CNTNAP2: variants seen among roughly 807,000 people sequenced by gnomAD.
The protein encoded by CNTNAP2 is contactin-associated protein-like 2.
CNTNAP2 carries 98 observed loss-of-function variants against 155.2 expected under a neutral mutation model. The ratio of observed to expected loss-of-function variants is 0.63; its 90% confidence interval spans 0.54 to 0.75. The LOEUF (loss-of-function observed/expected upper bound fraction) is 0.75. CNTNAP2 is among the 30% of genes least tolerant of loss of function. The pLI is 0.00. For missense variants in CNTNAP2, 1,727 were observed against 1,688.1 expected (o/e 1.02, Z -0.40); for synonymous variants, 651 against 631.2 (o/e 1.03, Z -0.47).
chr7:146,554,040 C>T (rs1798160067), intron 1 of CNTNAP2, among the ~76,000 whole-genome samples: 1 of 152,154 alleles, frequency 6.6e-6, no homozygotes, highest in Admixed American at 6.5e-5. Context: ...TTTGGGCATT[C>T]CATTTGTTGG....
At chr7:146,502,438 T>TACTC (rs1797319377) in intron 1 of CNTNAP2, among the ~76,000 whole-genome samples, 1 of 151,594 alleles carries the variant, frequency 6.6e-6, no homozygotes, top group Non-Finnish European at 1.5e-5. Context: ...TGTTGTTCCA[T>TACTC]TATTAGTTTT....
intron 2 of CNTNAP2, among the ~76,000 whole-genome samples, chr7:146,828,015 T>C (rs1803439832): frequency 6.6e-6 from 1 of 152,140 alleles, no homozygotes; most frequent in Non-Finnish European, 1.5e-5. Flanking sequence ...GTAAAATCTT[T>C]AAAGATTTTT....
intron 13 of CNTNAP2, among the ~76,000 whole-genome samples, chr7:147,867,087 C>T (rs1301613945): frequency 3.3e-5 from 5 of 152,056 alleles, no homozygotes; most frequent in East Asian, 1.9e-4. Context: ...TGGATGATAC[C>T]GGTTGTTTCT....
intron 1 of CNTNAP2, among the ~76,000 whole-genome samples, chr7:146,342,345 C>T (rs936424307): frequency 1.6e-4 from 24 of 152,132 alleles, no homozygotes; most frequent in Admixed American, 3.3e-4. Context: ...AGTCAGATGT[C>T]AGATGCCAAC....
intron 1 of CNTNAP2, among the ~76,000 whole-genome samples, chr7:146,763,011 A>C (rs1170235061): frequency 1.3e-5 from 2 of 152,110 alleles, no homozygotes; most frequent in South Asian, 4.2e-4. Context: ...TACAAAGCCC[A>C]CAACATGTGG....
At chr7:148,391,648 A>G (rs1436832535) in intron 22 of CNTNAP2, among the ~76,000 whole-genome samples, 1 of 152,204 alleles carries the variant, frequency 6.6e-6, no homozygotes, top group Non-Finnish European at 1.5e-5. Flanking sequence ...ATGCCAGGCA[A>G]TTGCCGTGAT....
intron 1 of CNTNAP2, among the ~76,000 whole-genome samples, chr7:146,387,199 G>A (rs1795473489): frequency 6.6e-6 from 1 of 152,194 alleles, no homozygotes; most frequent in South Asian, 2.1e-4. Flanking sequence ...CTTTCCAAGT[G>A]AGGTCTGGGG....
At chr7:146,411,834 A>T (rs1165545287) in intron 1 of CNTNAP2, among the ~76,000 whole-genome samples, 3 of 121,010 alleles carry the variant, frequency 2.5e-5, no homozygotes, top group African/African-American at 1.2e-4. Context: ...TTACTTATTT[A>T]TTTATTTATT....
At chr7:147,197,821 TAAG>T (rs1213610014) in intron 8 of CNTNAP2, among the ~76,000 whole-genome samples, 4 of 152,230 alleles carry the variant, frequency 2.6e-5, no homozygotes, top group Non-Finnish European at 2.9e-5. Context: ...ATTTGTTTTC[TAAG>T]ATGTTGAGGT....
chr7:146,847,940 C>T (rs977823321), intron 3 of CNTNAP2, among the ~76,000 whole-genome samples: 3 of 152,160 alleles, frequency 2.0e-5, no homozygotes, highest in Non-Finnish European at 2.9e-5. Flanking sequence ...AGTGCGTTAA[C>T]TTCGGAAAGA....
chr7:147,986,741 G>C (rs559652098), intron 15 of CNTNAP2, among the ~76,000 whole-genome samples: 1 of 152,210 alleles, frequency 6.6e-6, no homozygotes, highest in South Asian at 2.1e-4. Flanking sequence ...AGCTGAGTGG[G>C]TATCAGAACT....
chr7:146,604,757 A>T (rs1407814838), intron 1 of CNTNAP2, among the ~76,000 whole-genome samples: 5 of 142,168 alleles, frequency 3.5e-5, no homozygotes, highest in African/African-American at 5.1e-5. Flanking sequence ...AAAAATGATG[A>T]GTTCATGTCC....
At position 146,477,702 on chromosome 7, in the gene CNTNAP2, A is replaced by ATAT. The variant is rs1796899745; in HGVS notation, c.98-296568_98-296566dup. 7.2e-5 allele frequency among the ~76,000 whole-genome samples: 11 copies of ATAT among 151,768 alleles called. No individual in the cohort carries two copies. The South Asian group carries it at 2.3e-3, about 32-fold the overall frequency. The stretch of plus-strand genomic sequence containing the variant: ...CTTCTGGATTGTATACTAAAAATTT[A>ATAT]TATATTTTGGATTGAAATTAATTTG... On this transcript the variant is annotated intron_variant, in intron 1 of 23. Coordinates refer to ENST00000361727, the MANE Select transcript of CNTNAP2 (RefSeq NM_014141.6).
intron 3 of CNTNAP2, among the ~76,000 whole-genome samples, chr7:147,043,085 G>T (rs1445021407): frequency 6.6e-6 from 1 of 151,766 alleles, no homozygotes; most frequent in Non-Finnish European, 1.5e-5. Flanking sequence ...ACTTTATACT[G>T]ACATTTTCTT....
At chr7:147,155,361 GC>G (rs1302296688) in intron 8 of CNTNAP2, among the ~76,000 whole-genome samples, 5 of 152,104 alleles carry the variant, frequency 3.3e-5, no homozygotes, top group African/African-American at 1.2e-4. Context: ...TTGTTTATAA[GC>G]CACCCACTCT....
chr7:147,221,930 T>C (rs1446037777), intron 8 of CNTNAP2, among the ~76,000 whole-genome samples: 1 of 152,184 alleles, frequency 6.6e-6, no homozygotes, highest in African/African-American at 2.4e-5. Flanking sequence ...GCTTGCATGG[T>C]TTCTGAGAAG....
chr7:146,928,900 G>T (rs973792613), intron 3 of CNTNAP2, among the ~76,000 whole-genome samples: 2 of 152,198 alleles, frequency 1.3e-5, no homozygotes, highest in African/African-American at 4.8e-5. Flanking sequence ...GCCTGCCATT[G>T]CCCAGGCTTG....
chr7:146,200,897 A>T (rs1798850534), intron 1 of CNTNAP2, among the ~76,000 whole-genome samples: 1 of 152,140 alleles, frequency 6.6e-6, no homozygotes, highest in Non-Finnish European at 1.5e-5. Flanking sequence ...GAACAGAACC[A>T]AAAGAGACGT....
chr7:147,959,588 T>A (rs1413631311), intron 14 of CNTNAP2, among the ~76,000 whole-genome samples: 2 of 152,168 alleles, frequency 1.3e-5, no homozygotes, highest in African/African-American at 4.8e-5. Context: ...GGGGCAGTTC[T>A]GCAGTCATGT....
Sources: gnomAD v4.1 joint callset for allele counts (sites outside exome capture counted in the v4.1 genomes callset) on GRCh38, gnomAD v4.1.1 for gene constraint, MANE v1.5 for transcripts, NCBI Gene and HGNC (gene_info 2026-07-23, HGNC 2026-07-21) for gene names.